Variants in GRID2 observed in about 807,000 individuals in gnomAD.
GRID2 encodes glutamate ionotropic receptor delta type subunit 2.
Under a neutral mutation model 114.8 loss-of-function variants are expected in GRID2, and 33 were observed. The ratio of observed to expected loss-of-function variants is 0.29; its 90% CI spans 0.22 to 0.38. GRID2 has a LOEUF of 0.38. Ranked by LOEUF, GRID2 falls within the 10% of genes least tolerant of loss-of-function variation. GRID2 has a pLI of 1.00. For missense variants in GRID2, 1,184 were observed against 1,257.7 expected, an observed-to-expected ratio of 0.94 and a Z score of 0.89; for synonymous variants, 505 against 449.9, an observed-to-expected ratio of 1.12 and a Z score of -1.55.
intron 5 of GRID2, among the ~76,000 whole-genome samples, chr4:93,214,903 A>G (rs1394970368): frequency 6.6e-6 from 1 of 152,040 alleles, no homozygotes. Flanking sequence ...GTAAGGAAAT[A>G]TGGGCATGTA....
chr4:93,349,894 G>A (rs1477029136), intron 8 of GRID2, among the ~76,000 whole-genome samples: 2 of 152,022 alleles, frequency 1.3e-5, no homozygotes, highest in African/African-American at 4.8e-5. Context: ...ATAAATAAAT[G>A]TAAGAAAATA....
intron 2 of GRID2, among the ~76,000 whole-genome samples, chr4:92,961,227 A>G (rs556265391): frequency 6.6e-6 from 1 of 152,018 alleles, no homozygotes; most frequent in South Asian, 2.1e-4. Flanking sequence ...TAAATTAAGA[A>G]AAAGGTATTT....
chr4:93,566,050 C>A (rs924892628), intron 13 of GRID2, among the ~76,000 whole-genome samples: 1 of 152,064 alleles, frequency 6.6e-6, no homozygotes. Flanking sequence ...ATTTTTTCTG[C>A]GGGTGATTTA....
intron 2 of GRID2, among the ~76,000 whole-genome samples, chr4:93,074,623 A>T (rs541649853): frequency 1.4e-4 from 22 of 152,318 alleles, no homozygotes; most frequent in Non-Finnish European, 2.8e-4. Context: ...ATTAAGCAAA[A>T]TAAAGGAAAT....
rs1257672278 is a variant in GRID2, at chr4:92,733,268, T to C, written c.244+142982T>C. ...CAAACCTTCCCATTCTGCTAATCTT[T>C]GGGCCATACTAACTTTCTGATTCTA... On this transcript the variant is annotated intron_variant, in intron 2 of 15. Coordinates refer to ENST00000282020, the MANE Select transcript of GRID2 (RefSeq NM_001510.4). Among the ~76,000 whole-genome samples, 4 of 152,288 alleles carry C rather than the reference T, an allele frequency of 2.6e-5. No homozygotes were observed. The East Asian group carries it at 7.7e-4, about 29-fold the overall frequency.
At chr4:93,327,276 A>C (rs1836117) in intron 8 of GRID2, among the ~76,000 whole-genome samples, 46,466 of 152,036 alleles carry the variant, frequency 0.31, 7,750 homozygotes, top group African/African-American at 0.44. Context: ...AAAACATTTC[A>C]AACAGACATT....
chr4:92,593,942 T>C (rs1728829723), intron 2 of GRID2, among the ~76,000 whole-genome samples: 1 of 150,556 alleles, frequency 6.6e-6, no homozygotes, highest in African/African-American at 2.4e-5. Context: ...AAAAAAAACG[T>C]ATATGGGTTA....
At chr4:92,926,195 G>A (rs1299111528) in intron 2 of GRID2, among the ~76,000 whole-genome samples, 1 of 151,998 alleles carries the variant, frequency 6.6e-6, no homozygotes, top group East Asian at 1.9e-4. Flanking sequence ...AGAAGCGACT[G>A]ATGGTCCCAC....
intron 4 of GRID2, among the ~76,000 whole-genome samples, chr4:93,115,652 A>G (rs561381283): frequency 6.6e-6 from 1 of 152,250 alleles, no homozygotes; most frequent in Admixed American, 6.5e-5. Context: ...GGTTTAATGG[A>G]CTCACAGTTC....
intron 13 of GRID2, among the ~76,000 whole-genome samples, chr4:93,586,807 A>G (rs926989107): frequency 6.6e-6 from 1 of 152,078 alleles, no homozygotes; most frequent in Admixed American, 6.6e-5. Flanking sequence ...GAATGCTCAG[A>G]TGCTGATCTT....
At position 93,174,087 on chromosome 4, in the gene GRID2, A is replaced by G. The variant is rs75510771; in HGVS notation, c.736-33317A>G. On this transcript the variant is annotated intron_variant, in intron 4 of 15. Transcript: ENST00000282020. ...TTAAAACTAGAAAACTGGTATTGAT[A>G]TAATCCATCGAGCTTATTCAGATTT... is the stretch of plus-strand genomic sequence containing the variant. Among the ~76,000 whole-genome samples, 234 of 152,338 alleles carry G rather than the reference A, an allele frequency of 1.5e-3. 1 individual carries two copies. Among genetic ancestry groups the G allele is most frequent in the East Asian group, 0.013 (69 of 5,190 alleles).
chr4:93,257,023 A>T (rs1749675967), intron 8 of GRID2, among the ~76,000 whole-genome samples: 1 of 151,868 alleles, frequency 6.6e-6, no homozygotes, highest in African/African-American at 2.4e-5. Flanking sequence ...TGCACGTGGG[A>T]CAAAAAAGAA....
intron 1 of GRID2, among the ~76,000 whole-genome samples, chr4:92,415,773 T>TAC (rs1560616415): frequency 6.2e-5 from 8 of 129,376 alleles, no homozygotes; most frequent in African/African-American, 2.2e-4. Context: ...TATATATATA[T>TAC]ATATATATCA....
At chr4:92,721,785 T>C (rs898405491) in intron 2 of GRID2, among the ~76,000 whole-genome samples, 10 of 152,134 alleles carry the variant, frequency 6.6e-5, no homozygotes. Context: ...AGTAGAAAAG[T>C]TAAGCTTTAA....
At chr4:92,875,094 G>A (rs1281764398) in intron 2 of GRID2, among the ~76,000 whole-genome samples, 1 of 149,882 alleles carries the variant, frequency 6.7e-6, no homozygotes, top group African/African-American at 2.5e-5. Context: ...GTGTGCCAAG[G>A]AACTAGAGGT....
rs145574258 is a variant in GRID2, at chr4:92,703,174, TAGA to T, written c.244+112893_244+112895del. On this transcript the variant is annotated intron_variant, in intron 2 of 15. Coordinates refer to ENST00000282020, the MANE Select transcript of GRID2 (RefSeq NM_001510.4). The stretch of plus-strand genomic sequence containing the variant: ...TGAAAGTTCAATGACAAATGATACA[TAGA>T]AGAAAAACATGGTAATAAATAAATG... 4.2e-3 allele frequency among the ~76,000 whole-genome samples: 641 copies of T among 152,224 alleles called. 3 individuals are homozygous for T. Among genetic ancestry groups the T allele is most frequent in the African/African-American group, 0.015 (614 of 41,538 alleles).
chr4:92,393,990 C>T (rs1157147392), intron 1 of GRID2, among the ~76,000 whole-genome samples: 2 of 152,058 alleles, frequency 1.3e-5, no homozygotes, highest in African/African-American at 2.4e-5. Flanking sequence ...AGTGTCTCTG[C>T]TTCAGTGATC....
chr4:92,408,431 CTTTTTTTTTTTTTTTTT>C (rs35638036), intron 1 of GRID2, among the ~76,000 whole-genome samples: 439 of 19,478 alleles, frequency 0.023, 11 homozygotes, highest in African/African-American at 0.066. Context: ...TATTCAAGCT[CTTTTTTTTTTTTTTTTT>C]TTTTTTTTTT....
chr4:92,555,831 A>G (rs1392563751), intron 1 of GRID2, among the ~76,000 whole-genome samples: 2 of 152,034 alleles, frequency 1.3e-5, no homozygotes, highest in Non-Finnish European at 1.5e-5. Flanking sequence ...CTTTTTTCCT[A>G]TAAAAGTTTG....
Sources: gnomAD v4.1 joint callset for allele counts (sites outside exome capture counted in the v4.1 genomes callset) on GRCh38, gnomAD v4.1.1 for gene constraint, MANE v1.5 for transcripts, NCBI Gene and HGNC (gene_info 2026-07-23, HGNC 2026-07-21) for gene names.